The following POLA2 variants were observed in gnomAD, a reference collection of about 807,000 sequenced individuals.
POLA2 encodes the protein DNA polymerase alpha subunit B.
A neutral mutation model predicts 82.8 loss-of-function variants in POLA2; 47 were observed. The observed-to-expected ratio is 0.57, with a 90% CI of 0.45 to 0.72. The LOEUF (loss-of-function observed/expected upper bound fraction) is 0.72, where lower values mean the gene tolerates loss of function less well. POLA2 is among the 30% of genes least tolerant of loss of function. POLA2 has a pLI of 0.00. For missense variants in POLA2, 634 were observed against 728.1 expected, an observed-to-expected ratio of 0.87 and a Z score of 1.49; for synonymous variants, 287 against 286.8, an observed-to-expected ratio of 1.00 and a Z score of -0.01.
intron 17 of POLA2, among the ~76,000 whole-genome samples, chr11:65,296,874 G>A (rs1227158357): frequency 2.0e-5 from 3 of 151,380 alleles, no homozygotes; most frequent in Non-Finnish European, 4.4e-5. Flanking sequence ...GCTGGAACCC[G>A]GGAGGTCGAG....
In POLA2 at chr11:65,262,363, T is replaced by C. The variant is rs1949408426; in HGVS notation, c.71T>C (p.Ile24Thr). ...GGCCTAGACTGCGAGGAGGCTCTAA[T>C]TGAGAAATGTGAGTCCCGCACCCCT... ...IFGLDCEEALIEKLVELCVQY... is the reference protein window; with the variant it reads ...IFGLDCEEALTEKLVELCVQY... The change falls in exon 1 of 18, where the codon ATT becomes ACT. Residue 24 changes from isoleucine to threonine, a missense_variant. Transcript: ENST00000265465. 1.2e-6 allele frequency: 2 copies of C among 1,613,068 alleles called. No homozygotes were observed. Among genetic ancestry groups the C allele is most frequent in the Admixed American group, 3.3e-5 (2 of 59,956 alleles).
chr11:65,288,676 G>A (rs1200800514), intron 11 of POLA2, among the ~76,000 whole-genome samples: 1 of 151,926 alleles, frequency 6.6e-6, no homozygotes, highest in East Asian at 1.9e-4. Flanking sequence ...ACGCCACCAT[G>A]CCCAACTAAT....
intron 10 of POLA2, among the ~76,000 whole-genome samples, chr11:65,285,576 AAAAAAAAAAAAAAAG>A (rs562315977): frequency 6.8e-6 from 1 of 146,316 alleles, no homozygotes; most frequent in Non-Finnish European, 1.5e-5. Flanking sequence ...TCCTATCTCA[AAAAAAAAAAAAAAAG>A]AAAAAGAAAA....
chr11:65,304,967 G>A (rs913878548), intron 8 of POLA2, among the ~76,000 whole-genome samples: 5 of 150,416 alleles, frequency 3.3e-5, no homozygotes, highest in African/African-American at 1.2e-4. Flanking sequence ...AAACCCTTGC[G>A]GGCTCCATTC....
downstream of POLA2, among the ~76,000 whole-genome samples, chr11:65,303,529 AAG>A (rs545545488): frequency 1.8e-3 from 276 of 152,270 alleles, 4 homozygotes; most frequent in Non-Finnish European, 3.1e-4. Context: ...CTCAAAAAAA[AAG>A]AGGGGGTAGA....
intron 12 of POLA2, among the ~76,000 whole-genome samples, 170 bp from the exon 13 acceptor site, chr11:65,289,629 C>G (rs776451591): frequency 3.3e-5 from 5 of 152,218 alleles, no homozygotes; most frequent in Non-Finnish European, 2.9e-5. Flanking sequence ...TCTTCTCCTC[C>G]CTTCGACTAG....
At chr11:65,289,437 T>G (rs1949731376) in intron 12 of POLA2, among the ~76,000 whole-genome samples, 1 of 152,240 alleles carries the variant, frequency 6.6e-6, no homozygotes, top group Non-Finnish European at 1.5e-5. Flanking sequence ...CCCAAGCTTA[T>G]AACTCATCTT....
chr11:65,281,206 T>C, intron 8 of POLA2, 59 bp downstream of exon 8: 2 of 1,541,974 alleles, frequency 1.3e-6, no homozygotes, highest in South Asian at 2.4e-5. Context: ...GTAGTGTAGG[T>C]GCTGTGCCAT....
intron 12 of POLA2, 116 bp from the exon 13 acceptor site, chr11:65,289,683 G>T: frequency 1.6e-6 from 1 of 634,048 alleles, no homozygotes; most frequent in Non-Finnish European, 2.8e-6. Context: ...TCATCTTTGC[G>T]TCTCCTTCAG....
chr11:65,280,712 C>T (rs1011192890), intron 7 of POLA2: 22 of 410,740 alleles, frequency 5.4e-5, no homozygotes, highest in South Asian at 1.4e-4. Context: ...GTGGGGTAGG[C>T]ATCCAGGGGC....
chr11:65,282,199 GGCACCTGTT>G (rs1949648659), intron 9 of POLA2, among the ~76,000 whole-genome samples: 1 of 152,156 alleles, frequency 6.6e-6, no homozygotes, highest in South Asian at 2.1e-4. Flanking sequence ...TGATACTTTA[GGCACCTGTT>G]TTGCTCCCAC....
chr11:65,294,576 C>G lies in POLA2; in HGVS notation c.1384C>G (p.Leu462Val), dbSNP rs757531675. 8 of 1,613,820 alleles carry G rather than the reference C, an allele frequency of 5.0e-6. No homozygotes were observed. In the East Asian group the frequency reaches 1.6e-4, roughly 31 times the overall value. Residue 462 changes from leucine (L) to valine (V), a missense_variant, in exon 15 of 18, where the codon CTC becomes GTC. By Grantham distance (32) the Leu-to-Val change is conservative. Transcript: ENST00000265465. ...ACAGTTTGTGTCCGAGCCCTGCAGC[C>G]TCTCCATAAACGGAGTGATCTTCGG... ...QVQFVSEPCSLSINGVIFGLT... is the reference protein window; with the variant it reads ...QVQFVSEPCSVSINGVIFGLT...
chr11:65,278,631 C>G, intron 5 of POLA2, 99 bp from the exon 6 acceptor site: 2 of 970,330 alleles, frequency 2.1e-6, no homozygotes, highest in Admixed American at 4.4e-5. Context: ...AGGCCACCTT[C>G]CTTTTCTCCA....
At chr11:65,262,656 TAG>T (rs1949411881) in intron 1 of POLA2, among the ~76,000 whole-genome samples, 3 of 152,134 alleles carry the variant, frequency 2.0e-5, no homozygotes, top group South Asian at 2.1e-4. Context: ...ATGTGCTAGA[TAG>T]AGACTAGGCA....
rs1452690019 is a variant in POLA2, at chr11:65,289,089, G to C, written c.1170+1G>C. ...GGATGCTAAGCATGAACAGGTGGAG[G>C]TGAGTGGGCTGGGGTGGGAAGGGGT... On this transcript the variant is annotated splice_donor_variant, in intron 12 of 17. Transcript: ENST00000265465. LOFTEE classifies it high-confidence loss of function. 1.2e-6 allele frequency: 2 copies of C among 1,611,404 alleles called. No homozygotes were observed. The highest frequency in any genetic ancestry group is 2.7e-5 in the African/African-American group (2 of 74,906).
In POLA2 at chr11:65,295,582, C is replaced by A; in HGVS notation, c.1503C>A (p.His501Gln). ...ACAGATTCAGCCGAATACTCAAGCACATCTTGACCCAGAGGAGGTGAGCTT... is the reference window on the plus strand; with the variant it reads ...ACAGATTCAGCCGAATACTCAAGCAAATCTTGACCCAGAGGAGGTGAGCTT... The part of the protein sequence containing the change: ...TSDRFSRILK[H>Q]ILTQRSYYPL... Residue 501 changes from histidine to glutamine, a missense_variant, in exon 16 of 18, where the codon CAC becomes CAA. Physicochemically the swap from His to Gln is conservative, Grantham distance 24. Transcript: ENST00000265465. 3 of 1,613,860 alleles carry A rather than the reference C, an allele frequency of 1.9e-6. No individual in the cohort carries two copies. The highest frequency in any genetic ancestry group is 2.5e-6 in the Non-Finnish European group (3 of 1,179,886).
intron 3 of POLA2, among the ~76,000 whole-genome samples, chr11:65,268,177 G>GA (rs1949482462): frequency 1.3e-5 from 2 of 151,942 alleles, no homozygotes; most frequent in African/African-American, 4.8e-5. Context: ...GCTGAGGTGA[G>GA]AAAATCTCTT....
intron 13 of POLA2, among the ~76,000 whole-genome samples, chr11:65,293,383 G>A (rs1590909896): frequency 1.3e-5 from 2 of 152,160 alleles, no homozygotes; most frequent in African/African-American, 4.8e-5. Context: ...GCCAAGGTCG[G>A]TGGATCACTT....
chr11:65,292,190 C>T (rs1245345671), intron 13 of POLA2, among the ~76,000 whole-genome samples: 3 of 152,224 alleles, frequency 2.0e-5, no homozygotes, highest in Middle Eastern at 3.4e-3. Context: ...GAGCCGAGAT[C>T]GCACCACTGC....
Sources: gnomAD v4.1 joint callset for allele counts (sites outside exome capture counted in the v4.1 genomes callset) on GRCh38, gnomAD v4.1.1 for gene constraint, MANE v1.5 for transcripts, NCBI Gene and HGNC (gene_info 2026-07-23, HGNC 2026-07-21) for gene names.